TMEM217: variants seen among roughly 807,000 people sequenced by gnomAD.
TMEM217 encodes transmembrane protein 217.
For synonymous variants in TMEM217, 76 were observed against 88.3 expected (o/e 0.86, Z 0.78); for missense variants, 204 against 248.8 (o/e 0.82, Z 1.21).
chr6:37,257,954 A>G (rs1283469909), exon 1 of TMEM217: 1 of 1,614,106 alleles, frequency 6.2e-7, no homozygotes, highest in Middle Eastern at 1.6e-4. Flanking sequence ...TTGGAAGAGG[A>G]GCGCTAAGCT....
downstream of TMEM217, among the ~76,000 whole-genome samples, chr6:37,214,638 T>C (rs1224330): frequency 0.57 from 85,931 of 152,088 alleles, 25,698 homozygotes; most frequent in East Asian, 0.84. Flanking sequence ...TTGCTGTCTC[T>C]ATGAATTTGC....
At chr6:37,215,202 C>A (rs763398990), downstream of TMEM217, 15 of 1,613,434 alleles carry the variant, frequency 9.3e-6, no homozygotes, top group Admixed American at 1.7e-5. Flanking sequence ...ACTCACTCAG[C>A]AGACATCTAT....
downstream of TMEM217, among the ~76,000 whole-genome samples, chr6:37,216,160 C>T (rs1381897710): frequency 6.6e-6 from 1 of 152,028 alleles, no homozygotes; most frequent in Non-Finnish European, 1.5e-5. Context: ...CTCACTGCAA[C>T]CTCCATCTCC....
At position 37,245,944 on chromosome 6, in the gene TMEM217, C is replaced by G. The variant is rs374769294; in HGVS notation, c.-12+11624G>C. ...CCTCCCGAGTAGCTGTAATCACAGG[C>G]GTGCACCACCAAGCCCGGCTAATTC... is the stretch of plus-strand genomic sequence containing the variant. On this transcript the variant is annotated intron_variant, in intron 1 of 1. Coordinates refer to ENST00000357219, the Ensembl canonical transcript of TMEM217. 1.9e-4 allele frequency among the ~76,000 whole-genome samples: 29 copies of G among 152,134 alleles called. No homozygotes were observed. In the East Asian group the frequency reaches 5.2e-3, roughly 27 times the overall value.
downstream of TMEM217, among the ~76,000 whole-genome samples, chr6:37,216,805 C>A (rs1340173241): frequency 1.3e-5 from 2 of 152,090 alleles, no homozygotes; most frequent in East Asian, 3.9e-4. Flanking sequence ...AATAAGTGAC[C>A]TTATAAAGGG....
exon 2 of TMEM217, chr6:37,218,552 C>A: frequency 6.2e-7 from 1 of 1,614,126 alleles, no homozygotes; most frequent in Non-Finnish European, 8.5e-7. Context: ...AATTATATTG[C>A]CCTGGCTCCG....
At chr6:37,250,984 C>T (rs948472849) in intron 1 of TMEM217, among the ~76,000 whole-genome samples, 1 of 152,146 alleles carries the variant, frequency 6.6e-6, no homozygotes, top group African/African-American at 2.4e-5. Flanking sequence ...AGGTAGATTA[C>T]TGCCCTTTTA....
chr6:37,248,092 A>G (rs959293749), intron 1 of TMEM217, among the ~76,000 whole-genome samples: 1 of 152,078 alleles, frequency 6.6e-6, no homozygotes, highest in African/African-American at 2.4e-5. Flanking sequence ...AATCACACTC[A>G]TCTTTCAAGG....
chr6:37,232,574 TCCTACTAC>T (rs1423756579), intron 1 of TMEM217, among the ~76,000 whole-genome samples: 1 of 84,818 alleles, frequency 1.2e-5, no homozygotes, highest in Non-Finnish European at 2.6e-5. Flanking sequence ...TGCTGGGAAA[TCCTACTAC>T]CCTTCTCTGG....
chr6:37,250,186 C>A (rs2113920347), intron 1 of TMEM217, among the ~76,000 whole-genome samples: 1 of 152,176 alleles, frequency 6.6e-6, no homozygotes, highest in Non-Finnish European at 1.5e-5. Flanking sequence ...CTTAAGGTTA[C>A]AAACATAGGT....
At chr6:37,219,689 G>C (rs1763405410) in intron 1 of TMEM217, among the ~76,000 whole-genome samples, 2 of 151,988 alleles carry the variant, frequency 1.3e-5, no homozygotes, top group South Asian at 4.2e-4. Context: ...CTGAGATCAT[G>C]CCACTGCACT....
chr6:37,233,871 T>C (rs1009013338), intron 1 of TMEM217, among the ~76,000 whole-genome samples: 1 of 152,222 alleles, frequency 6.6e-6, no homozygotes, highest in African/African-American at 2.4e-5. Flanking sequence ...AAAAGTGATA[T>C]GCATTCAGTA....
At chr6:37,237,036 G>A (rs547627351) in intron 1 of TMEM217, among the ~76,000 whole-genome samples, 1 of 152,334 alleles carries the variant, frequency 6.6e-6, no homozygotes, top group Admixed American at 6.5e-5. Context: ...GAGCAAGCCA[G>A]ATGGAAGCTG....
At chr6:37,252,631 A>ATG (rs1285210773) in intron 1 of TMEM217, among the ~76,000 whole-genome samples, 1 of 77,328 alleles carries the variant, frequency 1.3e-5, no homozygotes, top group Non-Finnish European at 2.4e-5. Flanking sequence ...ATATATATAT[A>ATG]TATATATTTT....
At chr6:37,219,553 C>T (rs191824549) in intron 1 of TMEM217, among the ~76,000 whole-genome samples, 1 of 152,162 alleles carries the variant, frequency 6.6e-6, no homozygotes, top group Non-Finnish European at 1.5e-5. Flanking sequence ...CCAGCCTGGA[C>T]AACATGGTGA....
intron 1 of TMEM217, among the ~76,000 whole-genome samples, chr6:37,243,860 T>G (rs1215527792): frequency 6.6e-6 from 1 of 152,178 alleles, no homozygotes; most frequent in African/African-American, 2.4e-5. Context: ...AAACTCCTTG[T>G]GTGCTGAGTC....
intron 1 of TMEM217, among the ~76,000 whole-genome samples, chr6:37,239,760 C>A (rs1764670283): frequency 1.3e-5 from 2 of 151,524 alleles, no homozygotes; most frequent in Non-Finnish European, 1.5e-5. Context: ...ATAACAATGA[C>A]AACGAACACA....
At chr6:37,222,785 T>A (rs1763605620) in intron 1 of TMEM217, among the ~76,000 whole-genome samples, 1 of 152,192 alleles carries the variant, frequency 6.6e-6, no homozygotes, top group Non-Finnish European at 1.5e-5. Context: ...GCGGCTGCAG[T>A]AGCACCCGGT....
chr6:37,239,769 CATT>C (rs146273883), intron 1 of TMEM217, among the ~76,000 whole-genome samples: 2,735 of 151,908 alleles, frequency 0.018, 69 homozygotes, highest in Middle Eastern at 0.054. Flanking sequence ...ACAACGAACA[CATT>C]ATAAAGCTTT....
Sources: gnomAD v4.1 joint callset for allele counts (sites outside exome capture counted in the v4.1 genomes callset) on GRCh38, gnomAD v4.1.1 for gene constraint, MANE v1.5 for transcripts, NCBI Gene and HGNC (gene_info 2026-07-23, HGNC 2026-07-21) for gene names.